AK9: variants seen among roughly 807,000 people sequenced by gnomAD.
The protein encoded by AK9 is adenylate kinase domain containing 1.
A neutral mutation model predicts 239.6 loss-of-function variants in AK9; 191 were observed. The observed-to-expected ratio is 0.80, with a 90% CI of 0.71 to 0.90. The LOEUF is 0.90. Ranked by LOEUF, AK9 falls within the 40% of genes least tolerant of loss-of-function variation. The probability of loss-of-function intolerance (pLI) is 0.00; values close to 1 mark genes in which losing one functional copy is unlikely to be tolerated. For synonymous variants in AK9, 689 were observed against 721.0 expected, an observed-to-expected ratio of 0.96 and a Z score of 0.71; for missense variants, 1,995 against 2,214.7, an observed-to-expected ratio of 0.90 and a Z score of 1.99.
intron 13 of AK9, among the ~76,000 whole-genome samples, chr6:109,617,417 T>C (rs1219148225): frequency 6.6e-6 from 1 of 150,508 alleles, no homozygotes; most frequent in Non-Finnish European, 1.5e-5. Flanking sequence ...AGTAAAAATG[T>C]ATCATAAAGC....
intron 20 of AK9, among the ~76,000 whole-genome samples, chr6:109,577,307 G>C (rs1318129837): frequency 6.6e-6 from 1 of 152,156 alleles, no homozygotes; most frequent in African/African-American, 2.4e-5. Context: ...ACTTGTGTAT[G>C]TTAAACCATC....
At chr6:109,530,725 T>C (rs1781119166) in intron 28 of AK9, among the ~76,000 whole-genome samples, 1 of 152,186 alleles carries the variant, frequency 6.6e-6, no homozygotes, top group Non-Finnish European at 1.5e-5. Context: ...TCAAAACATA[T>C]CTGCAAGGCA....
intron 7 of AK9, among the ~76,000 whole-genome samples, chr6:109,658,772 T>C (rs183531619): frequency 6.6e-6 from 1 of 152,156 alleles, no homozygotes; most frequent in Non-Finnish European, 1.5e-5. Flanking sequence ...ATTATTCAAA[T>C]GACTTTCACT....
In AK9 at chr6:109,585,131, TTC is replaced by T; in HGVS notation, c.2104_2105del (p.Glu702ArgfsTer31). On this transcript the variant is annotated frameshift_variant, in exon 19 of 41. Transcript: ENST00000424296. LOFTEE classifies it high-confidence loss of function. ...EELQKKKKEE[E>X]EARKATEEEL... is the part of the protein sequence containing the mutation. ...TTCTAGGCAGATTTTACCTTGCTTCTTCTTCTTCTTTTTTTTTCTTTTGTAGT... is the reference window on the plus strand; with the variant it reads ...TTCTAGGCAGATTTTACCTTGCTTCTTTCTTCTTTTTTTTTCTTTTGTAGT... The T allele has an allele frequency of 8.6e-7, 1 of 1,167,830 alleles. No homozygotes were observed. The highest frequency in any genetic ancestry group is 2.0e-5 in the South Asian group (1 of 50,552). The allele number at this position is 1,167,830 out of a possible 1,614,324, so 72.3% of individuals were successfully genotyped here. A position where few individuals can be genotyped will look rare whatever the true frequency, so the allele number is the denominator to read the frequency against.
At chr6:109,551,827 A>C (rs1351469831) in intron 24 of AK9, among the ~76,000 whole-genome samples, 1 of 150,744 alleles carries the variant, frequency 6.6e-6, no homozygotes. Flanking sequence ...ATAGGTACAC[A>C]TGTGCCATGG....
Position 109,546,332 on chromosome 6 carries a change from C to T in AK9, c.2965-205G>A, listed in dbSNP as rs73523150. Reference sequence around the variant, plus strand: ...CATCAACACTGGTCCTCAGGGAGCACCAACAACCATATATGATTATCTTGG... The same window carrying T: ...CATCAACACTGGTCCTCAGGGAGCATCAACAACCATATATGATTATCTTGG... On this transcript the variant is annotated intron_variant, in intron 25 of 40. Transcript: ENST00000424296. Among the ~76,000 whole-genome samples the T allele has an allele frequency of 8.2e-3, 1,244 of 152,288 alleles. 26 individuals are homozygous for T. Among genetic ancestry groups the T allele is most frequent in the African/African-American group, 0.027 (1,105 of 41,548 alleles).
Position 109,667,657 on chromosome 6 carries a change from G to GT in AK9, c.331+4261dup, listed in dbSNP as rs1211145730. Among the ~76,000 whole-genome samples, 15 of 151,888 alleles carry GT rather than the reference G, an allele frequency of 9.9e-5. No individual in the cohort carries two copies. The East Asian group carries it at 1.2e-3, about 12-fold the overall frequency. ...TATGAGTGAGAACATGCGGTGTTTGGTTTTTTGTCCTTGCGATAGTTTGCT... is the reference window on the plus strand; with the variant it reads ...TATGAGTGAGAACATGCGGTGTTTGGTTTTTTTGTCCTTGCGATAGTTTGCT... On this transcript the variant is annotated intron_variant, in intron 5 of 40. Coordinates refer to ENST00000424296, the MANE Select transcript of AK9 (RefSeq NM_001145128.3).
At chr6:109,623,862 G>GACGC (rs1228576427) in intron 12 of AK9, among the ~76,000 whole-genome samples, 1 of 136,122 alleles carries the variant, frequency 7.3e-6, no homozygotes, top group Non-Finnish European at 1.6e-5. Flanking sequence ...AGGAATCTTA[G>GACGC]ACACACACAC....
intron 26 of AK9, among the ~76,000 whole-genome samples, chr6:109,545,057 A>AT (rs1783360088): frequency 6.6e-6 from 1 of 152,200 alleles, no homozygotes; most frequent in African/African-American, 2.4e-5. Flanking sequence ...AATGACTTTT[A>AT]TGGGCTAATT....
At chr6:109,575,080 T>C (rs1787888686) in intron 20 of AK9, among the ~76,000 whole-genome samples, 2 of 152,210 alleles carry the variant, frequency 1.3e-5, no homozygotes, top group South Asian at 4.1e-4. Flanking sequence ...GGAATATATA[T>C]ATATCACATG....
chr6:109,556,218 A>T (rs1335854954), intron 24 of AK9, among the ~76,000 whole-genome samples: 1 of 152,132 alleles, frequency 6.6e-6, no homozygotes, highest in African/African-American at 2.4e-5. Flanking sequence ...GAGGTAATGA[A>T]ATCCCTCAGC....
At chr6:109,512,354 T>C (rs1274175528) in intron 32 of AK9, among the ~76,000 whole-genome samples, 5 of 152,116 alleles carry the variant, frequency 3.3e-5, no homozygotes, top group Non-Finnish European at 7.4e-5. Flanking sequence ...TAAATAACCA[T>C]AAAAATGGGC....
chr6:109,540,264 C>T (rs1222145548), intron 27 of AK9, among the ~76,000 whole-genome samples: 2 of 152,168 alleles, frequency 1.3e-5, no homozygotes, highest in Non-Finnish European at 2.9e-5. Flanking sequence ...GTTAGAGCTT[C>T]CTGGCCGCTT....
At chr6:109,662,778 A>G (rs1245109017) in intron 5 of AK9, 115 bp from the exon 6 acceptor site, 1 of 401,896 alleles carries the variant, frequency 2.5e-6, no homozygotes, top group Non-Finnish European at 3.7e-6. Flanking sequence ...CATCTATCAT[A>G]AAGTCATCTC....
At chr6:109,606,518 T>G (rs1217250218) in intron 17 of AK9, among the ~76,000 whole-genome samples, 1 of 152,208 alleles carries the variant, frequency 6.6e-6, no homozygotes, top group African/African-American at 2.4e-5. Flanking sequence ...AAGAACAGGC[T>G]GTGGTTAGAT....
At chr6:109,575,888 A>G (rs1349414926) in intron 20 of AK9, among the ~76,000 whole-genome samples, 1 of 152,178 alleles carries the variant, frequency 6.6e-6, no homozygotes, top group Non-Finnish European at 1.5e-5. Context: ...GTGGCTTGCC[A>G]ATTATCCCAG....
Position 109,674,275 on chromosome 6 carries a change from A to T in AK9, c.118-14T>A, listed in dbSNP as rs756164736. On this transcript the variant is annotated splice_polypyrimidine_tract_variant and intron_variant, in intron 2 of 40. Coordinates refer to ENST00000424296, the MANE Select transcript of AK9 (RefSeq NM_001145128.3). Reference sequence around the variant, plus strand: ...TTTCCCAACACCCTTAAAAAGAAAAATGTTATTTAAAGCCCAATAGAACAG... The same window carrying T: ...TTTCCCAACACCCTTAAAAAGAAAATTGTTATTTAAAGCCCAATAGAACAG... 2.0e-6 allele frequency: 3 copies of T among 1,536,672 alleles called. No individual in the cohort carries two copies. The African/African-American group carries it at 4.1e-5, about 21-fold the overall frequency.
At chr6:109,505,241 ACTCT>A (rs1303128254) in intron 35 of AK9, among the ~76,000 whole-genome samples, 2 of 152,034 alleles carry the variant, frequency 1.3e-5, no homozygotes, top group Admixed American at 1.3e-4. Context: ...TTTGTATAGG[ACTCT>A]CTTAGTCACA....
At chr6:109,690,061 T>A (rs528059993) in intron 1 of AK9, among the ~76,000 whole-genome samples, 1 of 152,368 alleles carries the variant, frequency 6.6e-6, no homozygotes, top group African/African-American at 2.4e-5. Flanking sequence ...ATTTCTCAAA[T>A]TTTAATTTAC....
Sources: allele counts gnomAD v4.1 joint callset (sites outside exome capture counted in the v4.1 genomes callset), GRCh38; gene constraint gnomAD v4.1.1; transcripts MANE v1.5; gene names NCBI Gene and HGNC (gene_info 2026-07-23, HGNC 2026-07-21).